Variants in SPOPL observed in about 807,000 individuals in gnomAD.
SPOPL encodes the protein speckle-type POZ protein-like.
SPOPL carries 23 observed loss-of-function variants against 53.8 expected under a neutral mutation model. That is an observed-to-expected ratio of 0.43 (90% confidence interval 0.31 to 0.61). SPOPL has a LOEUF of 0.61. Among genes scored for constraint, SPOPL ranks in the 20% least tolerant of loss-of-function variants. SPOPL has a pLI of 0.12. For missense variants in SPOPL, 442 were observed against 466.9 expected (o/e 0.95, Z 0.49); for synonymous variants, 164 against 149.7 (o/e 1.10, Z -0.70).
intron 1 of SPOPL, among the ~76,000 whole-genome samples, chr2:138,516,665 G>C (rs1050665219): frequency 6.6e-6 from 1 of 152,122 alleles, no homozygotes; most frequent in Non-Finnish European, 1.5e-5. Context: ...CAGTAGAAGA[G>C]GTGAGCCCAT....
chr2:138,521,953 C>G (rs933660238), intron 1 of SPOPL, among the ~76,000 whole-genome samples: 4 of 152,092 alleles, frequency 2.6e-5, no homozygotes, highest in Non-Finnish European at 5.9e-5. Context: ...TGTGTGTTAG[C>G]GGTATTGACA....
Position 138,559,010 on chromosome 2 carries a change from CTT to C in SPOPL, c.481-7_481-6del, listed in dbSNP as rs762626188. On this transcript the variant is annotated splice_polypyrimidine_tract_variant and intron_variant, in intron 5 of 10. Transcript: ENST00000280098. The stretch of plus-strand genomic sequence containing the variant: ...TGTGAAAGTGTTTTTCTTGCTGTCC[CTT>C]TTTTATTAGGTGAGTGTGGTCCAAG... The C allele has an allele frequency of 1.3e-6, 2 of 1,549,008 alleles. No individual in the cohort carries two copies. The highest frequency in any genetic ancestry group is 4.6e-5 in the East Asian group (2 of 43,480).
At chr2:138,536,342 CCCCCCA>C (rs1464581283) in intron 1 of SPOPL, among the ~76,000 whole-genome samples, 3 of 76,692 alleles carry the variant, frequency 3.9e-5, no homozygotes, top group Non-Finnish European at 2.5e-5. Flanking sequence ...TTAGTGCCCC[CCCCCCA>C]CACACACACA....
At position 138,564,898 on chromosome 2, in the gene SPOPL, T is replaced by C. The variant is rs1452304988; in HGVS notation, c.981-42T>C. ...TGGGCATGACAACTTCAATATTTTT[T>C]CTCTGGACTTTTTTTTAAGTATGTT... On this transcript the variant is annotated intron_variant, in intron 9 of 10. Transcript: ENST00000280098. 3.7e-6 allele frequency: 6 copies of C among 1,613,668 alleles called. No individual in the cohort carries two copies. The African/African-American group carries it at 8.0e-5, about 22-fold the overall frequency.
At position 138,551,021 on chromosome 2, in the gene SPOPL, C is replaced by T; in HGVS notation, c.319C>T (p.Leu107=). The change falls in exon 4 of 11, where the codon CTG becomes TTG. Residue 107 remains leucine, a synonymous_variant. Coordinates refer to ENST00000280098, the MANE Select transcript of SPOPL (RefSeq NM_001001664.3). ...TCGAGCAAAATTCAAATTTTCCCTT[C>T]TGAATGCTAAAAGGGAAGAAACAAA... is the stretch of plus-strand genomic sequence containing the variant. ...EVRAKFKFSL[L]NAKREETKAM... is the part of the protein sequence containing the mutation. 1.2e-6 allele frequency: 2 copies of T among 1,613,246 alleles called. No homozygotes were observed. Among genetic ancestry groups the T allele is most frequent in the Non-Finnish European group, 1.7e-6 (2 of 1,179,464 alleles).
At chr2:138,523,817 G>C (rs1489442054) in intron 1 of SPOPL, among the ~76,000 whole-genome samples, 1 of 152,210 alleles carries the variant, frequency 6.6e-6, no homozygotes, top group Non-Finnish European at 1.5e-5. Context: ...TGCCCCTGTG[G>C]TTTTGCAGGG....
chr2:138,561,862 T>C (rs937866437), intron 8 of SPOPL, among the ~76,000 whole-genome samples: 3 of 152,108 alleles, frequency 2.0e-5, no homozygotes, highest in Admixed American at 6.5e-5. Flanking sequence ...TTTCAGCCCT[T>C]GCCCCCCTCC....
intron 8 of SPOPL, among the ~76,000 whole-genome samples, chr2:138,564,039 A>T (rs1685606810): frequency 6.6e-6 from 1 of 152,198 alleles, no homozygotes; most frequent in Non-Finnish European, 1.5e-5. Flanking sequence ...TTTATAGAAA[A>T]CTCCAGAAAA....
rs75570948 is a variant in SPOPL at position 138,536,789 on chromosome 2, T to C, written c.-60-13368T>C. Among the ~76,000 whole-genome samples the C allele has an allele frequency of 1.2e-4, 19 of 152,308 alleles. No individual in the cohort carries two copies. In the East Asian group the frequency reaches 3.7e-3, roughly 29 times the overall value. On this transcript the variant is annotated intron_variant, in intron 1 of 10. Transcript: ENST00000280098. ...CCTGTTTCCTTGCAAATGAACTTCT[T>C]TTCTCTGGGAAGAGATTAAAAGCAG...
intron 1 of SPOPL, among the ~76,000 whole-genome samples, chr2:138,521,353 T>G (rs954151670): frequency 2.7e-5 from 4 of 149,908 alleles, no homozygotes; most frequent in Non-Finnish European, 4.4e-5. Context: ...TCTCAGCACG[T>G]GGACCCCAGA....
At chr2:138,558,675 T>A (rs1017183294) in intron 5 of SPOPL, among the ~76,000 whole-genome samples, 6 of 152,030 alleles carry the variant, frequency 3.9e-5, no homozygotes, top group Admixed American at 6.6e-5. Flanking sequence ...ATAAAAAAAA[T>A]TTTTTTCTCC....
In SPOPL at chr2:138,572,954, C is replaced by G. The variant is rs184239071; in HGVS notation, c.*3874C>G. On this transcript the variant is annotated 3_prime_UTR_variant, in exon 11 of 11. Coordinates refer to ENST00000280098, the MANE Select transcript of SPOPL (RefSeq NM_001001664.3). Reference sequence around the variant, plus strand: ...AGAGTTTATCATTGTATACTGTAACCCAGTAAATTTTGCATTCAGTTTTAA... The same window carrying G: ...AGAGTTTATCATTGTATACTGTAACGCAGTAAATTTTGCATTCAGTTTTAA... The G allele has an allele frequency of 1.3e-5, 2 of 152,144 alleles. No individual in the cohort carries two copies. The highest frequency in any genetic ancestry group is 3.9e-4 in the East Asian group (2 of 5,164). 9.4% of individuals were successfully genotyped at this position (152,144 alleles called of 1,614,324 possible). A position where few individuals can be genotyped will look rare whatever the true frequency, so the allele number is the denominator to read the frequency against.
chr2:138,513,409 C>T (rs554542748), intron 1 of SPOPL, among the ~76,000 whole-genome samples: 19 of 152,152 alleles, frequency 1.2e-4, no homozygotes, highest in Admixed American at 2.0e-4. Context: ...AAAAGTCAGC[C>T]GGGTGTGGTG....
rs1329012053 is a variant in SPOPL, at chr2:138,568,919, T to C, written c.1035-17T>C. On this transcript the variant is annotated splice_polypyrimidine_tract_variant and intron_variant, in intron 10 of 10. Transcript: ENST00000280098. ...AAAAGTATTCTTTAGTAAATATCTT[T>C]TAATTCTATTTTTCAGCCAAGCAAC... 6.2e-7 allele frequency: 1 copy of C among 1,613,052 alleles called. No homozygotes were observed. Among genetic ancestry groups the C allele is most frequent in the Non-Finnish European group, 8.5e-7 (1 of 1,179,562 alleles).
At chr2:138,504,542 A>G (rs1260840543) in intron 1 of SPOPL, among the ~76,000 whole-genome samples, 1 of 152,216 alleles carries the variant, frequency 6.6e-6, no homozygotes, top group African/African-American at 2.4e-5. Context: ...ACTGTTTCTT[A>G]GTTTTGTAAA....
At chr2:138,553,758 T>C (rs140671196) in intron 5 of SPOPL, among the ~76,000 whole-genome samples, 91 of 152,242 alleles carry the variant, frequency 6.0e-4, no homozygotes, top group Non-Finnish European at 1.0e-3. Flanking sequence ...AATACAATTA[T>C]TTGGTTGACA....
chr2:138,553,663 T>C (rs1685360824), intron 5 of SPOPL, among the ~76,000 whole-genome samples: 1 of 152,082 alleles, frequency 6.6e-6, no homozygotes, highest in Non-Finnish European at 1.5e-5. Flanking sequence ...AGAAGAATAA[T>C]TGAAATATGC....
intron 1 of SPOPL, among the ~76,000 whole-genome samples, chr2:138,513,368 C>G (rs892439400): frequency 6.6e-6 from 1 of 152,136 alleles, no homozygotes; most frequent in African/African-American, 2.4e-5. Context: ...AGCCTGGCAA[C>G]ATGGTGAAAC....
chr2:138,510,562 A>G (rs1204993499), intron 1 of SPOPL, among the ~76,000 whole-genome samples: 1 of 152,164 alleles, frequency 6.6e-6, no homozygotes, highest in Non-Finnish European at 1.5e-5. Flanking sequence ...TCTCTTTGCA[A>G]ATCAGATTTT....
Sources: gnomAD v4.1 joint callset for allele counts (sites outside exome capture counted in the v4.1 genomes callset) on GRCh38, gnomAD v4.1.1 for gene constraint, MANE v1.5 for transcripts, NCBI Gene and HGNC (gene_info 2026-07-23, HGNC 2026-07-21) for gene names.